Variants in FARP1 observed in about 807,000 individuals in gnomAD.
FARP1 encodes the protein FERM, ARHGEF and pleckstrin domain-containing protein 1.
Under a neutral mutation model 128.8 loss-of-function variants are expected in FARP1, and 52 were observed. The ratio of observed to expected loss-of-function variants is 0.40; its 90% CI spans 0.32 to 0.51. The LOEUF is 0.51. FARP1 is among the 20% of genes least tolerant of loss of function. The pLI, the probability that FARP1 is intolerant of heterozygous loss-of-function variation, is 0.45. For missense variants in FARP1, 1,333 were observed against 1,367.9 expected, an observed-to-expected ratio of 0.97 and a Z score of 0.40; for synonymous variants, 580 against 551.8, an observed-to-expected ratio of 1.05 and a Z score of -0.72.
Position 98,440,029 on chromosome 13 carries a change from C to G in FARP1, c.2502C>G (p.Ile834Met). Residue 834 changes from isoleucine to methionine, a missense_variant, in exon 22 of 27, where the codon ATC becomes ATG. By Grantham distance (10) the Ile-to-Met change is conservative (BLOSUM62 1). Coordinates refer to ENST00000319562, the MANE Select transcript of FARP1 (RefSeq NM_005766.4). ...CLTLRGQRQS[I>M]IVAASSRSEM... Reference sequence around the variant, plus strand: ...CCCTCCGGGGCCAGCGGCAGTCCATCATCGTGGCCGCCAGGTAACTCGGGA... The same window carrying G: ...CCCTCCGGGGCCAGCGGCAGTCCATGATCGTGGCCGCCAGGTAACTCGGGA... 1 of 1,606,724 alleles carries G rather than the reference C, an allele frequency of 6.2e-7. No homozygotes were observed.
chr13:98,226,984 A>G (rs1881819277), intron 2 of FARP1, among the ~76,000 whole-genome samples: 1 of 151,026 alleles, frequency 6.6e-6, no homozygotes, highest in South Asian at 2.1e-4. Flanking sequence ...TCTGTTGTCC[A>G]GATTGGAGTG....
At chr13:98,265,309 GA>G (rs1295553100) in intron 2 of FARP1, among the ~76,000 whole-genome samples, 2 of 73,660 alleles carry the variant, frequency 2.7e-5, no homozygotes, top group East Asian at 4.1e-4. Flanking sequence ...CCTCCTTCCT[GA>G]ATTTTTTTTT....
chr13:98,203,791 G>A (rs1880100162), intron 1 of FARP1: 1 of 152,184 alleles, frequency 6.6e-6, no homozygotes, highest in African/African-American at 2.4e-5. Flanking sequence ...ACCAGGAGAA[G>A]GGTTTGCTGG....
intron 3 of FARP1, among the ~76,000 whole-genome samples, chr13:98,354,131 C>T (rs142613295): frequency 1.2e-3 from 178 of 152,322 alleles, no homozygotes; most frequent in African/African-American, 4.2e-3. Flanking sequence ...CAAAGCTTCC[C>T]TTCACATATA....
intron 1 of FARP1, among the ~76,000 whole-genome samples, chr13:98,166,190 C>G (rs1877256062): frequency 6.6e-6 from 1 of 152,142 alleles, no homozygotes. Context: ...ATTAAATAAT[C>G]TGTAAAATTT....
chr13:98,393,568 T>C, intron 11 of FARP1, 75 bp from the exon 12 acceptor site: 2 of 1,201,978 alleles, frequency 1.7e-6, no homozygotes, highest in South Asian at 1.3e-5. Context: ...AAAAGGACTT[T>C]TGTTTCATTT....
chr13:98,152,345 G>A (rs1280938928), intron 1 of FARP1, among the ~76,000 whole-genome samples: 2 of 152,156 alleles, frequency 1.3e-5, no homozygotes, highest in African/African-American at 4.8e-5. Flanking sequence ...TTCTCATTTA[G>A]CAAAAATTTT....
chr13:98,185,168 C>A (rs970174947), intron 1 of FARP1, among the ~76,000 whole-genome samples: 2 of 152,136 alleles, frequency 1.3e-5, no homozygotes, highest in African/African-American at 4.8e-5. Flanking sequence ...TTCATTACTT[C>A]TGTAAAATTT....
rs778704363 is a variant in FARP1 at position 98,424,614 on chromosome 13, C to T, written c.1869C>T (p.Ile623=). Reference sequence around the variant, plus strand: ...CCCAAATCAGAGATTACCAAAGAATCGGCGATGTCATGCTGAAGAACATTC... The same window carrying T: ...CCCAAATCAGAGATTACCAAAGAATTGGCGATGTCATGCTGAAGAACATTC... ...SNAQIRDYQR[I]GDVMLKNIQG... is the part of the protein sequence containing the mutation. Residue 623 remains isoleucine (I), a synonymous_variant, in exon 17 of 27, where the codon ATC becomes ATT. Transcript: ENST00000319562. The T allele has an allele frequency of 6.8e-6, 11 of 1,613,674 alleles. No homozygotes were observed. Among genetic ancestry groups the T allele is most frequent in the African/African-American group, 2.7e-5 (2 of 74,912 alleles).
In FARP1 at chr13:98,277,148, A is replaced by ACACACACACCC. The variant is rs372627844; in HGVS notation, c.171+63736_171+63737insACACACACCCC. Among the ~76,000 whole-genome samples, 34 of 138,652 alleles carry ACACACACACCC rather than the reference A, an allele frequency of 2.5e-4. 1 individual carries two copies. Among genetic ancestry groups the ACACACACACCC allele is most frequent in the Non-Finnish European group, 4.3e-4 (27 of 63,116 alleles). 91.0% of individuals were successfully genotyped at this position (138,652 alleles called of 152,430 possible). On this transcript the variant is annotated intron_variant, in intron 2 of 26. Transcript: ENST00000319562. ...CACACACACACACACACACACACAC[A>ACACACACACCC]CCCCATATGTATATATTAGAAGCAG...
intron 2 of FARP1, among the ~76,000 whole-genome samples, chr13:98,225,123 G>GA (rs1488595797): frequency 6.6e-6 from 1 of 152,170 alleles, no homozygotes; most frequent in Admixed American, 6.5e-5. Context: ...TATAAGAGCT[G>GA]AAAAAACCTC....
intron 1 of FARP1, chr13:98,203,933 T>C (rs1370735982): frequency 2.6e-5 from 4 of 152,194 alleles, no homozygotes; most frequent in African/African-American, 9.7e-5. Context: ...CTTGAGAGCT[T>C]ATTTGGAAGT....
chr13:98,215,396 T>C lies in FARP1; in HGVS notation c.171+1983T>C, dbSNP rs144096086. On this transcript the variant is annotated intron_variant, in intron 2 of 26. Transcript: ENST00000319562. The stretch of plus-strand genomic sequence containing the variant: ...CTTCCTGCAGACCACTTTACTCATA[T>C]ACCTGTCAGATGCACAAGGGAGCCT... Among the ~76,000 whole-genome samples the C allele has an allele frequency of 4.9e-3, 739 of 152,334 alleles. 7 individuals are homozygous for C. The highest frequency in any genetic ancestry group is 0.017 in the African/African-American group (704 of 41,576).
At chr13:98,253,549 A>T (rs1883446241) in intron 2 of FARP1, among the ~76,000 whole-genome samples, 1 of 152,338 alleles carries the variant, frequency 6.6e-6, no homozygotes, top group Middle Eastern at 3.4e-3. Context: ...TGAAATGAGG[A>T]TGATGGTCTC....
In FARP1 at chr13:98,176,625, GA is replaced by G; in HGVS notation, c.-24+33135del. 6.2e-7 allele frequency: 1 copy of G among 1,614,224 alleles called. No individual in the cohort carries two copies. Among genetic ancestry groups the G allele is most frequent in the South Asian group, 1.1e-5 (1 of 91,088 alleles). On this transcript the variant is annotated intron_variant, in intron 1 of 26. Coordinates refer to ENST00000319562, the MANE Select transcript of FARP1 (RefSeq NM_005766.4). This position sits in a 1 kb window ranked among gnomAD's most constrained non-coding sequence, Gnocchi z 6.2. ...ATTTGCAGCTGTCCCCGAAGCCACA[GA>G]AGCCAGTCTCCTTGTAGTCCTTGCA...
At chr13:98,194,990 A>C (rs1203320807) in intron 1 of FARP1, among the ~76,000 whole-genome samples, 1 of 152,230 alleles carries the variant, frequency 6.6e-6, no homozygotes, top group Non-Finnish European at 1.5e-5. Context: ...AGATGCTTCA[A>C]GTAAAGCTTT....
chr13:98,418,738 A>T (rs540824194), intron 16 of FARP1, among the ~76,000 whole-genome samples: 42 of 152,206 alleles, frequency 2.8e-4, no homozygotes, highest in Non-Finnish European at 5.0e-4. Flanking sequence ...ACTAGAAGAC[A>T]CTTGAGAGAA....
chr13:98,198,370 A>G (rs1212617885), intron 1 of FARP1, among the ~76,000 whole-genome samples: 1 of 152,202 alleles, frequency 6.6e-6, no homozygotes, highest in East Asian at 1.9e-4. Flanking sequence ...AGGGGAATGG[A>G]TAAACTGTGG....
chr13:98,352,428 T>G (rs1299602284), intron 3 of FARP1, among the ~76,000 whole-genome samples: 1 of 151,916 alleles, frequency 6.6e-6, no homozygotes. Context: ...GAGAGACTAC[T>G]GAGAGGGGAG....
Sources: gnomAD v4.1 joint callset for allele counts (sites outside exome capture counted in the v4.1 genomes callset) on GRCh38, gnomAD v4.1.1 for gene constraint, Gnocchi (gnomAD v3.1) non-coding constraint, MANE v1.5 for transcripts, NCBI Gene and HGNC (gene_info 2026-07-23, HGNC 2026-07-21) for gene names.